The following RPH3A variants were observed in gnomAD, a reference collection of about 807,000 sequenced individuals.
RPH3A encodes the protein rabphilin 3A, also known as rabphilin-3A.
A neutral mutation model predicts 102.2 loss-of-function variants in RPH3A; 48 were observed. The observed-to-expected ratio is 0.47, with a 90% CI of 0.37 to 0.60. The LOEUF (loss-of-function observed/expected upper bound fraction) is 0.60, where lower values mean the gene tolerates loss of function less well. Among genes scored for constraint, RPH3A ranks in the 20% least tolerant of loss-of-function variants. RPH3A has a pLI of 0.00. For synonymous variants in RPH3A, 310 were observed against 324.3 expected, an observed-to-expected ratio of 0.96 and a Z score of 0.47; for missense variants, 781 against 910.1, an observed-to-expected ratio of 0.86 and a Z score of 1.83.
At chr12:112,883,181 A>C (rs1208810421) in intron 15 of RPH3A, 112 bp from the exon 16 acceptor site, 4 of 722,828 alleles carry the variant, frequency 5.5e-6, no homozygotes, top group Non-Finnish European at 9.9e-6. Context: ...AAGCCCCTGG[A>C]CACTCCTATG....
At chr12:112,757,739 G>A (rs561391034) in intron 1 of RPH3A, among the ~76,000 whole-genome samples, 4 of 152,202 alleles carry the variant, frequency 2.6e-5, no homozygotes, top group Non-Finnish European at 5.9e-5. Flanking sequence ...TTTGTTCTCT[G>A]AGATGGGTGG....
At chr12:112,863,053 A>T (rs950846585) in intron 5 of RPH3A, among the ~76,000 whole-genome samples, 5 of 152,010 alleles carry the variant, frequency 3.3e-5, no homozygotes, top group African/African-American at 1.2e-4. Flanking sequence ...GGGCAAGGAG[A>T]TGACTTCAAG....
At chr12:112,893,997 A>G (rs2043140854) in intron 19 of RPH3A, 2 of 152,910 alleles carry the variant, frequency 1.3e-5, no homozygotes, top group South Asian at 4.1e-4. Flanking sequence ...GATGGAGCAG[A>G]AACCCAACAC....
At chr12:112,757,543 G>A (rs951394012) in intron 1 of RPH3A, among the ~76,000 whole-genome samples, 6 of 152,070 alleles carry the variant, frequency 3.9e-5, no homozygotes, top group African/African-American at 9.7e-5. Flanking sequence ...GTCATTACAC[G>A]TTGTATACAT....
chr12:112,650,758 C>T (rs1247080071), intron 1 of RPH3A: 2 of 148,328 alleles, frequency 1.3e-5, no homozygotes, highest in African/African-American at 5.0e-5. Context: ...GAAATAGGGT[C>T]TCGCTCTGTC....
chr12:112,616,782 G>A (rs1566230059), intron 1 of RPH3A, among the ~76,000 whole-genome samples: 1 of 152,236 alleles, frequency 6.6e-6, no homozygotes, highest in Non-Finnish European at 1.5e-5. Flanking sequence ...ATGGACAGGA[G>A]TGATCAGCTG....
At chr12:112,695,642 G>T (rs1248622861) in intron 1 of RPH3A, among the ~76,000 whole-genome samples, 1 of 152,236 alleles carries the variant, frequency 6.6e-6, no homozygotes, top group African/African-American at 2.4e-5. Flanking sequence ...TGGGAGGCAG[G>T]TAGGGGTATC....
chr12:112,708,416 T>C (rs919683399), intron 1 of RPH3A, among the ~76,000 whole-genome samples: 3 of 152,112 alleles, frequency 2.0e-5, no homozygotes, highest in South Asian at 2.1e-4. Flanking sequence ...AGCGCTGGAA[T>C]TGGCTTCAGA....
At chr12:112,581,942 A>T (rs992085687) in intron 1 of RPH3A, among the ~76,000 whole-genome samples, 3 of 147,742 alleles carry the variant, frequency 2.0e-5, no homozygotes, top group Non-Finnish European at 3.0e-5. Flanking sequence ...TTTTTCCCAG[A>T]TCTAAGATTC....
intron 5 of RPH3A, among the ~76,000 whole-genome samples, chr12:112,858,540 T>C (rs112169592): frequency 2.6e-5 from 4 of 152,282 alleles, no homozygotes; most frequent in African/African-American, 9.6e-5. Flanking sequence ...TGTCTCTCTC[T>C]TGTGAGTTCT....
At chr12:112,661,610 T>G (rs2136003406) in intron 1 of RPH3A, among the ~76,000 whole-genome samples, 1 of 152,328 alleles carries the variant, frequency 6.6e-6, no homozygotes, top group South Asian at 2.1e-4. Context: ...GGGATCTTCC[T>G]GGAAGGAAAC....
At position 112,637,655 on chromosome 12, in the gene RPH3A, G is replaced by A. The variant is rs577271027; in HGVS notation, c.-140+62336G>A. On this transcript the variant is annotated intron_variant, in intron 1 of 21. Transcript: ENST00000543106. Reference sequence around the variant, plus strand: ...GAATTGAGGAGACACAGGATTGAATGCTGAATAAATCAACTTTTCCTGTAG... The same window carrying A: ...GAATTGAGGAGACACAGGATTGAATACTGAATAAATCAACTTTTCCTGTAG... Among the ~76,000 whole-genome samples the A allele has an allele frequency of 2.0e-5, 3 of 152,260 alleles. No homozygotes were observed. The East Asian group carries it at 5.8e-4, about 29-fold the overall frequency.
At chr12:112,684,512 C>T (rs2040249331) in intron 1 of RPH3A, among the ~76,000 whole-genome samples, 1 of 152,092 alleles carries the variant, frequency 6.6e-6, no homozygotes, top group Non-Finnish European at 1.5e-5. Flanking sequence ...AAGTGATCCA[C>T]CTGTCTCAGC....
intron 5 of RPH3A, among the ~76,000 whole-genome samples, chr12:112,862,930 T>C (rs989523582): frequency 6.6e-6 from 1 of 151,162 alleles, no homozygotes; most frequent in African/African-American, 2.4e-5. Context: ...CCATCGGCTC[T>C]CCCCTGCCAT....
chr12:112,857,809 G>A (rs910859968), intron 5 of RPH3A, among the ~76,000 whole-genome samples: 1 of 152,170 alleles, frequency 6.6e-6, no homozygotes, highest in Non-Finnish European at 1.5e-5. Context: ...CCACCACTGA[G>A]TTAGACCCAT....
chr12:112,763,426 A>G (rs900219539), intron 1 of RPH3A, among the ~76,000 whole-genome samples: 8 of 152,242 alleles, frequency 5.3e-5, no homozygotes, highest in Non-Finnish European at 8.8e-5. Flanking sequence ...TAAGATATCA[A>G]TCGATACATG....
chr12:112,896,968 A>T lies in RPH3A; in HGVS notation c.*188A>T. The T allele has an allele frequency of 3.3e-6, 2 of 598,404 alleles. No individual in the cohort carries two copies. The highest frequency in any genetic ancestry group is 3.0e-5 in the Admixed American group (1 of 33,722). 37.1% of individuals were successfully genotyped at this position (598,404 alleles called of 1,614,324 possible). On this transcript the variant is annotated 3_prime_UTR_variant, in exon 22 of 22. Transcript: ENST00000389385. ...AGACTCCCTCCTCCCTGATGCTGGG[A>T]TGTGGGCTCTGAATACAGCCCCTCT...
intron 1 of RPH3A, among the ~76,000 whole-genome samples, chr12:112,687,182 A>G (rs1359954275): frequency 6.6e-6 from 1 of 152,226 alleles, no homozygotes; most frequent in East Asian, 1.9e-4. Flanking sequence ...AGGGTTTACT[A>G]TTTAAGAAAT....
intron 1 of RPH3A, among the ~76,000 whole-genome samples, chr12:112,722,883 A>ATT (rs1257914254): frequency 1.3e-5 from 2 of 152,206 alleles, no homozygotes; most frequent in Non-Finnish European, 2.9e-5. Context: ...ATTTTATACA[A>ATT]GAAGTAAAAT....
Sources: gnomAD v4.1 joint callset for allele counts (sites outside exome capture counted in the v4.1 genomes callset) on GRCh38, gnomAD v4.1.1 for gene constraint, MANE v1.5 for transcripts, NCBI Gene and HGNC (gene_info 2026-07-23, HGNC 2026-07-21) for gene names.